The following CACNA2D3 variants were observed in gnomAD, a reference collection of about 807,000 sequenced individuals.
CACNA2D3 encodes the protein calcium voltage-gated channel auxiliary subunit alpha2delta 3.
In CACNA2D3, 60 loss-of-function variants were observed where a neutral mutation model predicts 160.6. That is an observed-to-expected ratio of 0.37 (90% CI 0.30 to 0.46). The LOEUF (loss-of-function observed/expected upper bound fraction) is 0.46, where lower values mean the gene tolerates loss of function less well. CACNA2D3 is among the 20% of genes least tolerant of loss of function. The probability of loss-of-function intolerance (pLI) is 1.00; values close to 1 mark genes in which losing one functional copy is unlikely to be tolerated. For missense variants in CACNA2D3, 1,205 were observed against 1,365.0 expected (o/e 0.88, Z 1.85); for synonymous variants, 558 against 492.9 (o/e 1.13, Z -1.75).
At chr3:54,446,170 G>C (rs1408920902) in intron 4 of CACNA2D3, among the ~76,000 whole-genome samples, 1 of 152,176 alleles carries the variant, frequency 6.6e-6, no homozygotes. Flanking sequence ...TTTACAAGAG[G>C]CTTCAATTTC....
At chr3:54,440,669 A>G (rs1485589727) in intron 4 of CACNA2D3, among the ~76,000 whole-genome samples, 1 of 152,042 alleles carries the variant, frequency 6.6e-6, no homozygotes. Flanking sequence ...CTGGTGTGCG[A>G]TATTCCCCTT....
At chr3:54,881,227 T>G (rs1054723949) in intron 21 of CACNA2D3, among the ~76,000 whole-genome samples, 3 of 152,120 alleles carry the variant, frequency 2.0e-5, no homozygotes, top group Non-Finnish European at 4.4e-5. Flanking sequence ...AAATCAGTAC[T>G]TGGGAGAAAT....
At chr3:54,748,963 G>C (rs1190767218) in intron 11 of CACNA2D3, among the ~76,000 whole-genome samples, 2 of 152,212 alleles carry the variant, frequency 1.3e-5, no homozygotes, top group Admixed American at 1.3e-4. Flanking sequence ...GTAGCGTAAG[G>C]CAGTACTAAC....
At chr3:54,868,629 A>G (rs1699456575) in intron 17 of CACNA2D3, among the ~76,000 whole-genome samples, 2 of 152,118 alleles carry the variant, frequency 1.3e-5, no homozygotes, top group Non-Finnish European at 2.9e-5. Flanking sequence ...TAGCGCAGGT[A>G]TGAATTTTCG....
intron 8 of CACNA2D3, among the ~76,000 whole-genome samples, chr3:54,578,849 G>T (rs566428819): frequency 6.6e-6 from 1 of 152,286 alleles, no homozygotes; most frequent in East Asian, 1.9e-4. Context: ...GCCCCCACAA[G>T]TATAGACTTT....
chr3:54,955,611 G>A, intron 27 of CACNA2D3, among the ~76,000 whole-genome samples: 1 of 152,172 alleles, frequency 6.6e-6, no homozygotes. Flanking sequence ...CAAAGCTCCA[G>A]TCTTTGGGAT....
At chr3:54,749,340 G>GCTATC (rs1701814968) in intron 11 of CACNA2D3, among the ~76,000 whole-genome samples, 1 of 152,190 alleles carries the variant, frequency 6.6e-6, no homozygotes, top group African/African-American at 2.4e-5. Flanking sequence ...TAAAGACTTA[G>GCTATC]AATTTAACAG....
chr3:54,491,701 C>T lies in CACNA2D3; in HGVS notation c.382-11791C>T, dbSNP rs1701113283. Among the ~76,000 whole-genome samples the T allele has an allele frequency of 3.3e-5, 5 of 152,170 alleles. No individual in the cohort carries two copies. The South Asian group carries it at 1.0e-3, about 32-fold the overall frequency. ...AGTTGTATTGGAACACAGCCACACC[C>T]ATTTTTAAAATGTATTGCATTTGGC... On this transcript the variant is annotated intron_variant, in intron 4 of 37. Coordinates refer to ENST00000474759, the MANE Select transcript of CACNA2D3 (RefSeq NM_018398.3).
intron 2 of CACNA2D3, among the ~76,000 whole-genome samples, chr3:54,287,702 AG>A (rs1703069403): frequency 6.8e-6 from 1 of 146,162 alleles, no homozygotes; most frequent in East Asian, 2.1e-4. Context: ...CAAATGTAAA[AG>A]AACAGAGATT....
intron 12 of CACNA2D3, among the ~76,000 whole-genome samples, chr3:54,755,303 T>TG (rs1298675962): frequency 1.8e-4 from 28 of 151,876 alleles, no homozygotes; most frequent in Admixed American, 3.3e-4. Context: ...AATGCTTCTG[T>TG]GGGGGGGCTC....
chr3:54,808,347 C>T (rs546748360), intron 13 of CACNA2D3, among the ~76,000 whole-genome samples: 139 of 152,252 alleles, frequency 9.1e-4, no homozygotes, highest in African/African-American at 3.2e-3. Context: ...TGAGCTCTGC[C>T]ATGTCACTGC....
At chr3:54,301,512 A>T (rs1271651486) in intron 2 of CACNA2D3, among the ~76,000 whole-genome samples, 1 of 152,198 alleles carries the variant, frequency 6.6e-6, no homozygotes, top group African/African-American at 2.4e-5. Context: ...CAGAGATAGG[A>T]AAAAGAAAAA....
chr3:54,615,683 A>G (rs1698834862), intron 9 of CACNA2D3, among the ~76,000 whole-genome samples: 1 of 152,224 alleles, frequency 6.6e-6, no homozygotes, highest in South Asian at 2.1e-4. Context: ...AATAATCTAG[A>G]TGAGTATATT....
At chr3:54,296,221 A>T (rs567732508) in intron 2 of CACNA2D3, among the ~76,000 whole-genome samples, 1 of 152,324 alleles carries the variant, frequency 6.6e-6, no homozygotes, top group Non-Finnish European at 1.5e-5. Context: ...GAATGGTTAG[A>T]GGTCAGTAGA....
chr3:54,287,676 G>C (rs2107471974), intron 2 of CACNA2D3, among the ~76,000 whole-genome samples: 1 of 143,974 alleles, frequency 6.9e-6, no homozygotes, highest in East Asian at 2.1e-4. Context: ...ATACTTGGAA[G>C]TAAAGCTCTC....
At chr3:54,721,082 T>C (rs913847376) in intron 11 of CACNA2D3, among the ~76,000 whole-genome samples, 3 of 152,188 alleles carry the variant, frequency 2.0e-5, no homozygotes, top group African/African-American at 7.2e-5. Context: ...TATTATTTAC[T>C]TCAGTGATTA....
chr3:54,429,491 C>A (rs1218812866), intron 4 of CACNA2D3, among the ~76,000 whole-genome samples: 1 of 152,060 alleles, frequency 6.6e-6, no homozygotes, highest in South Asian at 2.1e-4. Context: ...TTGTGAATTT[C>A]GGCTAGATCC....
chr3:54,702,686 A>G (rs1700788589), intron 11 of CACNA2D3, among the ~76,000 whole-genome samples: 2 of 152,280 alleles, frequency 1.3e-5, no homozygotes, highest in South Asian at 4.1e-4. Flanking sequence ...GAGATTTCTC[A>G]GAGAACTTAG....
intron 4 of CACNA2D3, among the ~76,000 whole-genome samples, chr3:54,419,099 A>G (rs2106745924): frequency 6.6e-6 from 1 of 152,306 alleles, no homozygotes; most frequent in East Asian, 1.9e-4. Flanking sequence ...CAATTTGCCA[A>G]AGAGGAAAAG....
Sources: allele counts gnomAD v4.1 joint callset (sites outside exome capture counted in the v4.1 genomes callset), GRCh38; gene constraint gnomAD v4.1.1; transcripts MANE v1.5; gene names NCBI Gene and HGNC (gene_info 2026-07-23, HGNC 2026-07-21).